Variants in CCNL1 observed in about 807,000 individuals in gnomAD.
CCNL1 encodes the protein cyclin L1, also known as cyclin-L1.
In CCNL1, 13 loss-of-function variants were observed where a neutral mutation model predicts 60.6. The ratio of observed to expected loss-of-function variants is 0.21; its 90% CI spans 0.14 to 0.34. The LOEUF (loss-of-function observed/expected upper bound fraction) is 0.34, where lower values mean the gene tolerates loss of function less well. CCNL1 is among the 10% of genes least tolerant of loss of function. CCNL1 has a pLI of 1.00. For missense variants in CCNL1, 481 were observed against 664.3 expected (o/e 0.72, Z 3.03); for synonymous variants, 270 against 244.3 (o/e 1.10, Z -0.98).
At chr3:157,159,059 C>T in intron 2 of CCNL1, 84 bp from the exon 3 acceptor site, 1 of 901,218 alleles carries the variant, frequency 1.1e-6, no homozygotes, top group South Asian at 1.5e-5. Flanking sequence ...TTGGGACAAC[C>T]TTTAGTAAAA....
At chr3:157,151,579 C>T in intron 5 of CCNL1, 1 of 986,100 alleles carries the variant, frequency 1.0e-6, no homozygotes. Context: ...TGGTAGTATT[C>T]ATGCTATACA....
At chr3:157,148,894 G>A (rs1458995035) in intron 10 of CCNL1, 1 of 361,486 alleles carries the variant, frequency 2.8e-6, no homozygotes, top group Non-Finnish European at 4.9e-6. Context: ...GCCACGAAGA[G>A]CTAACAATCT....
At chr3:157,152,084 C>T in intron 5 of CCNL1, 93 bp downstream of exon 5, 1 of 1,550,820 alleles carries the variant, frequency 6.4e-7, no homozygotes, top group Non-Finnish European at 8.7e-7. Context: ...CCCAAACAAA[C>T]TTATCTCATT....
intron 3 of CCNL1, among the ~76,000 whole-genome samples, chr3:157,155,634 C>T (rs1418345194): frequency 6.6e-6 from 1 of 152,164 alleles, no homozygotes; most frequent in African/African-American, 2.4e-5. Flanking sequence ...ACGTAATTTA[C>T]AACTACCTGG....
chr3:157,151,437 G>A (rs951135889), intron 5 of CCNL1: 7 of 985,580 alleles, frequency 7.1e-6, no homozygotes, highest in African/African-American at 5.2e-5. Context: ...CAATATTATA[G>A]TAACATCTCT....
At chr3:157,146,694 T>C (rs1421823665), downstream of CCNL1, 2 of 359,590 alleles carry the variant, frequency 5.6e-6, no homozygotes, top group Non-Finnish European at 1.1e-5. Context: ...TTGCCTTTCT[T>C]CAATGTCTAT....
intron 5 of CCNL1, chr3:157,151,337 CCA>C (rs1738177461): frequency 1.0e-6 from 1 of 985,684 alleles, no homozygotes. Flanking sequence ...TGTGGCTGAA[CCA>C]CAAACTCCTT....
At chr3:157,157,094 G>A (rs1450040469) in intron 3 of CCNL1, 6 of 1,289,718 alleles carry the variant, frequency 4.7e-6, no homozygotes, top group South Asian at 2.5e-5. Flanking sequence ...CTGTATAGTC[G>A]GTTGCAAGGG....
Position 157,150,373 on chromosome 3 carries a change from A to G in CCNL1, c.683T>C (p.Met228Thr), listed in dbSNP as rs1261523274. The change falls in exon 6 of 11, where the codon ATG becomes ACG. Residue 228 changes from methionine (M) to threonine (T), a missense_variant. By Grantham distance (81) the Met-to-Thr change is moderately conservative. Around this residue, in one of 5 missense-constraint regions of CCNL1, gnomAD observed 14 missense variants for 68.8 expected, o/e 0.20. Coordinates refer to ENST00000295926, the MANE Select transcript of CCNL1 (RefSeq NM_020307.4). The stretch of plus-strand genomic sequence containing the variant: ...CACATTGGTTCGAAGACTGTCATTC[A>G]TGTAATTCCTGAAAAATATTTCAAC... ...QTLVQTAWNY[M>T]NDSLRTNVFV... 6.2e-7 allele frequency: 1 copy of G among 1,613,286 alleles called. No homozygotes were observed. The highest frequency in any genetic ancestry group is 8.5e-7 in the Non-Finnish European group (1 of 1,179,492).
At chr3:157,150,838 A>G (rs1738133634) in intron 5 of CCNL1, 1 of 987,428 alleles carries the variant, frequency 1.0e-6, no homozygotes, top group East Asian at 1.1e-4. Flanking sequence ...ACAGGGGTAA[A>G]AAGGCATTTT....
downstream of CCNL1, among the ~76,000 whole-genome samples, chr3:157,147,298 A>G (rs903171535): frequency 6.6e-6 from 1 of 152,224 alleles, no homozygotes; most frequent in Non-Finnish European, 1.5e-5. Flanking sequence ...TCATCTGGAT[A>G]GAAATTCCGG....
intron 3 of CCNL1, 162 bp from the exon 4 acceptor site, chr3:157,153,318 G>C: frequency 1.7e-6 from 1 of 602,318 alleles, no homozygotes; most frequent in South Asian, 2.4e-5. Context: ...TCCAAGTTAT[G>C]CTAATTAAAT....
chr3:157,144,229 C>T (rs925466412), downstream of CCNL1, among the ~76,000 whole-genome samples: 1 of 152,200 alleles, frequency 6.6e-6, no homozygotes, highest in Non-Finnish European at 1.5e-5. Context: ...CTATAAGGTA[C>T]ATACATTATT....
intron 4 of CCNL1, 62 bp from the exon 5 acceptor site, chr3:157,152,303 A>C: frequency 6.4e-7 from 1 of 1,567,736 alleles, no homozygotes; most frequent in Non-Finnish European, 8.6e-7. Flanking sequence ...AGTAGAGTTC[A>C]ATGAAAAAAG....
Position 157,148,421 on chromosome 3 carries a change from C to T in CCNL1, c.1401G>A (p.Arg467=). ...TCTGAGATCGAGAACGAGATTTTTT[C>T]CTTTTATGACCATGTCTGTTTGAAC... ...LKSSNRHGHK[R]KKSRSRSQSK... Residue 467 remains arginine, a synonymous_variant, in exon 11 of 11, where the codon AGG becomes AGA. Coordinates refer to ENST00000295926, the MANE Select transcript of CCNL1 (RefSeq NM_020307.4). 1 of 1,614,022 alleles carries T rather than the reference C, an allele frequency of 6.2e-7. No individual in the cohort carries two copies. Among genetic ancestry groups the T allele is most frequent in the Non-Finnish European group, 8.5e-7 (1 of 1,179,992 alleles).
intron 2 of CCNL1, 200 bp from the exon 3 acceptor site, chr3:157,159,175 C>T (rs919878048): frequency 3.8e-5 from 24 of 630,326 alleles, no homozygotes; most frequent in South Asian, 3.0e-4. Flanking sequence ...CTCAATCTTA[C>T]AGGAGTTCTG....
At chr3:157,146,517 T>C (rs765240603), downstream of CCNL1, 46 of 450,304 alleles carry the variant, frequency 1.0e-4, no homozygotes, top group Non-Finnish European at 1.9e-4. Flanking sequence ...TCAACACTAT[T>C]AAGAATTTAA....
intron 4 of CCNL1, chr3:157,152,696 G>A (rs1468125222): frequency 8.9e-7 from 1 of 1,120,650 alleles, no homozygotes; most frequent in Non-Finnish European, 1.1e-6. Context: ...GATGATAAGT[G>A]TGCCAGATAC....
chr3:157,149,155 A>G (rs1577068317), intron 10 of CCNL1, 132 bp downstream of exon 10: 1 of 655,260 alleles, frequency 1.5e-6, no homozygotes, highest in Non-Finnish European at 2.6e-6. Context: ...CTCATTTCTC[A>G]TAATTTGCCT....
Sources: allele counts gnomAD v4.1 joint callset (sites outside exome capture counted in the v4.1 genomes callset), GRCh38; gene constraint gnomAD v4.1.1; regional missense constraint gnomAD v4.1.1; transcripts MANE v1.5; gene names NCBI Gene and HGNC (gene_info 2026-07-23, HGNC 2026-07-21).